The following CEMIP2 variants were observed in gnomAD, a reference collection of about 807,000 sequenced individuals.
CEMIP2 encodes cell surface hyaluronidase CEMIP2.
A neutral mutation model predicts 146.9 loss-of-function variants in CEMIP2; 79 were observed. The observed-to-expected ratio is 0.54, with a 90% CI of 0.45 to 0.65. CEMIP2 has a LOEUF of 0.65. Ranked by LOEUF, CEMIP2 falls within the 30% of genes least tolerant of loss-of-function variation. The probability of loss-of-function intolerance (pLI) is 0.00; values close to 1 mark genes in which losing one functional copy is unlikely to be tolerated. For synonymous variants in CEMIP2, 601 were observed against 606.3 expected (o/e 0.99, Z 0.13); for missense variants, 1,596 against 1,696.2 (o/e 0.94, Z 1.04).
At chr9:71,722,922 T>C (rs1382407363) in intron 11 of CEMIP2, among the ~76,000 whole-genome samples, 4 of 151,966 alleles carry the variant, frequency 2.6e-5, no homozygotes, top group Middle Eastern at 3.4e-3. Context: ...GAGGCCTTTT[T>C]TGTGGGTGGA....
chr9:71,730,837 G>T lies in CEMIP2; in HGVS notation c.1641C>A (p.Tyr547Ter). The change falls in exon 8 of 24, where the codon TAC becomes TAA. Residue 547 changes from tyrosine to a stop codon, truncating the protein, a stop_gained. Transcript: ENST00000377044. LOFTEE classifies it high-confidence loss of function. ...KHMGQQQMGR[Y>*]PVHFHLCGDV... Reference sequence around the variant, plus strand: ...CACCACACAGGTGAAAATGAACAGGGTATCGCCCCATCTGCTGCTGACCCA... The same window carrying T: ...CACCACACAGGTGAAAATGAACAGGTTATCGCCCCATCTGCTGCTGACCCA... 6.2e-7 allele frequency: 1 copy of T among 1,614,112 alleles called. No homozygotes were observed. Among genetic ancestry groups the T allele is most frequent in the Non-Finnish European group, 8.5e-7 (1 of 1,180,024 alleles).
At chr9:71,732,008 C>T (rs1823631309) in intron 7 of CEMIP2, among the ~76,000 whole-genome samples, 1 of 152,054 alleles carries the variant, frequency 6.6e-6, no homozygotes, top group Admixed American at 6.6e-5. Flanking sequence ...TTTAAAAAAA[C>T]TAATTGATTC....
chr9:71,686,976 T>C (rs1318783412), intron 22 of CEMIP2: 3 of 152,244 alleles, frequency 2.0e-5, no homozygotes, highest in Admixed American at 2.0e-4. Context: ...GTGTTTTCCA[T>C]GGTTTGAATT....
rs559147840 is a variant in CEMIP2, at chr9:71,757,484, T to C, written c.-12-7099A>G. Among the ~76,000 whole-genome samples the C allele has an allele frequency of 5.9e-5, 9 of 152,274 alleles. No homozygotes were observed. In the South Asian group the frequency reaches 1.4e-3, roughly 25 times the overall value. On this transcript the variant is annotated intron_variant, in intron 1 of 23. Coordinates refer to ENST00000377044, the MANE Select transcript of CEMIP2 (RefSeq NM_013390.3). Reference sequence around the variant, plus strand: ...AAGAACATTTTTTCTTTTATTACGATCTTAGAAGATCTAACACATTCACTA... The same window carrying C: ...AAGAACATTTTTTCTTTTATTACGACCTTAGAAGATCTAACACATTCACTA...
At chr9:71,690,659 TAC>T (rs748661309) in intron 21 of CEMIP2, among the ~76,000 whole-genome samples, 24 of 152,228 alleles carry the variant, frequency 1.6e-4, no homozygotes, top group African/African-American at 3.9e-4. Flanking sequence ...CAGAAAAGAA[TAC>T]ACACACACAC....
At chr9:71,768,186 G>A (rs111484379) in intron 1 of CEMIP2, among the ~76,000 whole-genome samples, 171 bp downstream of exon 1, 1 of 152,192 alleles carries the variant, frequency 6.6e-6, no homozygotes, top group Non-Finnish European at 1.5e-5. Flanking sequence ...CACGGGGGAA[G>A]GGCGGGAGGA....
intron 18 of CEMIP2, among the ~76,000 whole-genome samples, chr9:71,702,693 T>G (rs1822607357): frequency 6.6e-6 from 1 of 152,208 alleles, no homozygotes. Context: ...ATAATTATCT[T>G]AAATTGAGGG....
intron 2 of CEMIP2, among the ~76,000 whole-genome samples, chr9:71,749,346 A>G (rs935164472): frequency 3.3e-5 from 5 of 151,996 alleles, no homozygotes; most frequent in Non-Finnish European, 7.3e-5. Context: ...CACAAATATT[A>G]TTATTTTTAG....
At chr9:71,765,194 C>A (rs1589175299) in intron 1 of CEMIP2, among the ~76,000 whole-genome samples, 1 of 152,102 alleles carries the variant, frequency 6.6e-6, no homozygotes, top group Admixed American at 6.6e-5. Flanking sequence ...TAAAGACTTG[C>A]TCTCAAGATG....
intron 1 of CEMIP2, among the ~76,000 whole-genome samples, chr9:71,751,116 C>CATTTTAACT (rs1824239489): frequency 1.3e-5 from 2 of 152,282 alleles, no homozygotes; most frequent in South Asian, 4.1e-4. Context: ...CATAAACTTA[C>CATTTTAACT]ATTTTAACTA....
chr9:71,729,939 T>G (rs541797864), intron 9 of CEMIP2, 25 bp from the exon 10 acceptor site: 1 of 1,613,824 alleles, frequency 6.2e-7, no homozygotes, highest in Admixed American at 1.7e-5. Flanking sequence ...TCAAGGTGAT[T>G]TAAACATTCT....
At chr9:71,709,599 T>C in intron 16 of CEMIP2, 125 bp from the exon 17 acceptor site, 1 of 753,634 alleles carries the variant, frequency 1.3e-6, no homozygotes, top group African/African-American at 1.8e-5. Flanking sequence ...TGAGTTACAG[T>C]TCATAGTTGT....
At chr9:71,738,016 T>C (rs1316986168) in intron 5 of CEMIP2, among the ~76,000 whole-genome samples, 1 of 152,098 alleles carries the variant, frequency 6.6e-6, no homozygotes, top group Non-Finnish European at 1.5e-5. Context: ...CAGCTAAATA[T>C]GGTAGAGCCC....
chr9:71,701,969 T>C (rs771162994), intron 18 of CEMIP2, among the ~76,000 whole-genome samples: 35 of 152,184 alleles, frequency 2.3e-4, no homozygotes, highest in Non-Finnish European at 4.3e-4. Flanking sequence ...CTTAAAATTC[T>C]TCACATAGCC....
Position 71,717,994 on chromosome 9 carries a change from T to C in CEMIP2, c.2353A>G (p.Asn785Asp), listed in dbSNP as rs774962721. The change falls in exon 13 of 24, where the codon AAT (asparagine) becomes GAT (aspartate). Residue 785 changes from asparagine (N) to aspartate (D), a missense_variant. By Grantham distance (23) the Asn-to-Asp change is conservative. Coordinates refer to ENST00000377044, the MANE Select transcript of CEMIP2 (RefSeq NM_013390.3). The stretch of plus-strand genomic sequence containing the variant: ...TCTCCTCCTCTGACCCAAGCTCCAT[T>C]ATCATTATTTTTAAAAGCAATGAGC... The part of the protein sequence containing the change: ...DRLIAFKNND[N>D]GAWVRGGDII... The C allele has an allele frequency of 1.9e-6, 3 of 1,612,844 alleles. No individual in the cohort carries two copies. The highest frequency in any genetic ancestry group is 2.5e-6 in the Non-Finnish European group (3 of 1,179,356).
chr9:71,739,874 C>G (rs911550666), intron 5 of CEMIP2, among the ~76,000 whole-genome samples, 189 bp downstream of exon 5: 3 of 152,162 alleles, frequency 2.0e-5, no homozygotes, highest in Non-Finnish European at 4.4e-5. Flanking sequence ...TTGGAGACCC[C>G]TGTTCTAAAA....
chr9:71,703,780 G>A (rs1192656123), intron 18 of CEMIP2, among the ~76,000 whole-genome samples: 1 of 151,924 alleles, frequency 6.6e-6, no homozygotes, highest in South Asian at 2.1e-4. Context: ...TTTCCCCCAG[G>A]AGAACTGGCC....
intron 21 of CEMIP2, among the ~76,000 whole-genome samples, chr9:71,690,792 T>G (rs530125452): frequency 6.6e-6 from 1 of 152,348 alleles, no homozygotes; most frequent in East Asian, 1.9e-4. Context: ...TTACCGGAAT[T>G]TAAGCTACAA....
At chr9:71,759,955 T>C (rs1041861222) in intron 1 of CEMIP2, among the ~76,000 whole-genome samples, 1 of 151,234 alleles carries the variant, frequency 6.6e-6, no homozygotes. Flanking sequence ...TATATTGCGG[T>C]GAAGTATTTT....
Sources: gnomAD v4.1 joint callset for allele counts (sites outside exome capture counted in the v4.1 genomes callset) on GRCh38, gnomAD v4.1.1 for gene constraint, MANE v1.5 for transcripts, NCBI Gene and HGNC (gene_info 2026-07-23, HGNC 2026-07-21) for gene names.